Variants in PARD3B observed in about 807,000 individuals in gnomAD.
PARD3B encodes the protein par-3 family cell polarity regulator beta, also known as partitioning defective 3 homolog B.
Under a neutral mutation model 130.2 loss-of-function variants are expected in PARD3B, and 103 were observed. The ratio of observed to expected loss-of-function variants is 0.79; its 90% CI spans 0.67 to 0.93. The LOEUF (loss-of-function observed/expected upper bound fraction) is 0.93, where lower values mean the gene tolerates loss of function less well. Ranked by LOEUF, PARD3B falls within the 40% of genes least tolerant of loss-of-function variation. The pLI is 0.00. For missense variants in PARD3B, 1,609 were observed against 1,499.2 expected (o/e 1.07, Z -1.21); for synonymous variants, 583 against 553.2 (o/e 1.05, Z -0.76).
At chr2:205,225,363 G>T (rs114511769) in intron 15 of PARD3B, among the ~76,000 whole-genome samples, 8,224 of 152,090 alleles carry the variant, frequency 0.054, 372 homozygotes, top group East Asian at 0.23. Context: ...GATCAATGAT[G>T]TTGAGCACCT....
At chr2:204,681,590 G>T (rs962263303) in intron 1 of PARD3B, among the ~76,000 whole-genome samples, 1 of 152,168 alleles carries the variant, frequency 6.6e-6, no homozygotes, top group Non-Finnish European at 1.5e-5. Context: ...TTTCTGGCTT[G>T]ATTCTTTCCT....
chr2:205,520,921 TATC>T (rs2051019116), intron 21 of PARD3B, among the ~76,000 whole-genome samples: 1 of 151,896 alleles, frequency 6.6e-6, no homozygotes, highest in Non-Finnish European at 1.5e-5. Flanking sequence ...CATTGTTTCT[TATC>T]ATAAGTAATG....
In PARD3B at chr2:205,547,480, T is replaced by TAAAG. The variant is rs2052428190; in HGVS notation, c.3181-5840_3181-5837dup. 5.9e-5 allele frequency among the ~76,000 whole-genome samples: 9 copies of TAAAG among 152,160 alleles called. No homozygotes were observed. The South Asian group carries it at 1.9e-3, about 32-fold the overall frequency. ...GAGCTTATAGAACCATAAGGGATGT[T>TAAAG]AAAGAAAAAACTTCTTGGATAAGCT... On this transcript the variant is annotated intron_variant, in intron 21 of 22. Coordinates refer to ENST00000406610, the MANE Select transcript of PARD3B (RefSeq NM_001302769.2).
In PARD3B at chr2:204,611,192, G is replaced by T. The variant is rs567736350; in HGVS notation, c.120+65073G>T. ...AATGTATCAGAGATGAAGGGAAATT[G>T]GTTGGGAGACTACTCCTGGGACCAG... On this transcript the variant is annotated intron_variant, in intron 1 of 22. Transcript: ENST00000406610. 8.5e-5 allele frequency among the ~76,000 whole-genome samples: 13 copies of T among 152,298 alleles called. No homozygotes were observed. The South Asian group carries it at 2.7e-3, about 32-fold the overall frequency.
intron 10 of PARD3B, among the ~76,000 whole-genome samples, chr2:205,127,022 A>G (rs1424273255): frequency 1.3e-5 from 2 of 151,698 alleles, no homozygotes; most frequent in East Asian, 2.0e-4. Flanking sequence ...AAAGGAGGAC[A>G]GGTGCAGTGG....
intron 22 of PARD3B, among the ~76,000 whole-genome samples, chr2:205,570,725 G>T (rs927249441): frequency 6.6e-6 from 1 of 152,138 alleles, no homozygotes; most frequent in African/African-American, 2.4e-5. Flanking sequence ...AAGCTTTAGA[G>T]ACCAGACGTA....
Position 205,128,839 on chromosome 2 carries a change from G to T in PARD3B, c.1434+3102G>T, listed in dbSNP as rs923041960. ...TTTATTATTTTATAATGTATTCTGG[G>T]ATCCAAAATACTGAGTTAAAAACAA... On this transcript the variant is annotated intron_variant, in intron 10 of 22. Transcript: ENST00000406610. This position sits in a 1 kb window ranked among gnomAD's most constrained non-coding sequence, Gnocchi z 4.5. Among the ~76,000 whole-genome samples, 4 of 151,962 alleles carry T rather than the reference G, an allele frequency of 2.6e-5. No homozygotes were observed. Among genetic ancestry groups the T allele is most frequent in the African/African-American group, 9.7e-5 (4 of 41,354 alleles).
At position 205,573,410 on chromosome 2, in the gene PARD3B, G is replaced by T. The variant is rs1050236350; in HGVS notation, c.3260+20007G>T. ...ATAGATGAGGAAGGATGGGTGTAAG[G>T]CTGGGTGGAAAGGCAGAGTGGTGAC... On this transcript the variant is annotated intron_variant, in intron 22 of 22. Transcript: ENST00000406610. Among the ~76,000 whole-genome samples the T allele has an allele frequency of 2.0e-5, 3 of 152,128 alleles. No homozygotes were observed. The East Asian group carries it at 5.8e-4, about 29-fold the overall frequency.
In PARD3B at chr2:205,146,339, C is replaced by T. The variant is rs1015346234; in HGVS notation, c.1435-12383C>T. On this transcript the variant is annotated intron_variant, in intron 10 of 22. Coordinates refer to ENST00000406610, the MANE Select transcript of PARD3B (RefSeq NM_001302769.2). The surrounding 1 kb of genome is among the most constrained non-coding windows in gnomAD (Gnocchi z 4.3). Reference sequence around the variant, plus strand: ...TCTCAGGATCAGGCCCATTATGCTCCCTTTTAAGGTTATTAAATTGTTACA... The same window carrying T: ...TCTCAGGATCAGGCCCATTATGCTCTCTTTTAAGGTTATTAAATTGTTACA... Among the ~76,000 whole-genome samples, 2 of 152,100 alleles carry T rather than the reference C, an allele frequency of 1.3e-5. No homozygotes were observed. Among genetic ancestry groups the T allele is most frequent in the Non-Finnish European group, 2.9e-5 (2 of 68,026 alleles).
Position 204,782,032 on chromosome 2 carries a change from G to A in PARD3B, c.222+95750G>A, listed in dbSNP as rs536127163. On this transcript the variant is annotated intron_variant, in intron 2 of 22. Coordinates refer to ENST00000406610, the MANE Select transcript of PARD3B (RefSeq NM_001302769.2). ...ATGATGTTAGAAGTTTACTTGATGA[G>A]AAACAATGAAAATTAAATCTCTTAT... Among the ~76,000 whole-genome samples, 12 of 152,098 alleles carry A rather than the reference G, an allele frequency of 7.9e-5. No homozygotes were observed. In the South Asian group the frequency reaches 2.5e-3, roughly 32 times the overall value.
intron 2 of PARD3B, among the ~76,000 whole-genome samples, chr2:204,874,106 G>T (rs758017520): frequency 6.6e-6 from 1 of 152,120 alleles, no homozygotes; most frequent in Non-Finnish European, 1.5e-5. Context: ...TTGCACCATC[G>T]TACTCCCGCC....
chr2:205,163,542 A>C (rs2034630548), intron 11 of PARD3B, among the ~76,000 whole-genome samples: 1 of 152,358 alleles, frequency 6.6e-6, no homozygotes, highest in Middle Eastern at 3.4e-3. Flanking sequence ...AGTAATGGGC[A>C]AAAGAAAGAA....
At chr2:205,330,014 TAAATAAATAAATAAATAAATAAAATA>T (rs2043062320) in intron 18 of PARD3B, among the ~76,000 whole-genome samples, 2 of 2,594 alleles carry the variant, frequency 7.7e-4, no homozygotes, top group Non-Finnish European at 2.2e-3. Context: ...AATAAATAAA[TAAATAAATAAATAAATAAATAAAATA>T]AAATAAATCA....
chr2:205,193,419 G>C (rs2036501791), intron 15 of PARD3B, 99 bp downstream of exon 15: 2 of 882,308 alleles, frequency 2.3e-6, no homozygotes, highest in Non-Finnish European at 3.7e-6. Context: ...AAACCTCAGG[G>C]AACAAGGTCT....
chr2:205,118,877 T>A, intron 6 of PARD3B, 44 bp from the exon 7 acceptor site: 1 of 1,283,568 alleles, frequency 7.8e-7, no homozygotes, highest in Non-Finnish European at 1.1e-6. Flanking sequence ...ATAATTAGCA[T>A]TTATTATTCA....
chr2:205,487,398 T>C (rs766946515), intron 20 of PARD3B, among the ~76,000 whole-genome samples: 2 of 152,210 alleles, frequency 1.3e-5, no homozygotes, highest in Non-Finnish European at 2.9e-5. Flanking sequence ...CGTTTTGTTA[T>C]ATTTTTCACT....
chr2:204,586,774 C>A (rs1180171751), intron 1 of PARD3B, among the ~76,000 whole-genome samples: 2 of 152,042 alleles, frequency 1.3e-5, no homozygotes, highest in Non-Finnish European at 2.9e-5. Flanking sequence ...TTTGGGAGAT[C>A]CTATATTTTA....
At chr2:204,789,329 G>T (rs1190678821) in intron 2 of PARD3B, among the ~76,000 whole-genome samples, 1 of 152,188 alleles carries the variant, frequency 6.6e-6, no homozygotes, top group African/African-American at 2.4e-5. Context: ...GGGTTAACAG[G>T]CATGAGCCAC....
chr2:204,910,670 C>T (rs527686363), intron 2 of PARD3B, among the ~76,000 whole-genome samples: 2 of 152,260 alleles, frequency 1.3e-5, no homozygotes, highest in South Asian at 4.1e-4. Flanking sequence ...GATGGAGTCT[C>T]CCTCTGTAGC....
Sources: gnomAD v4.1 joint callset for allele counts (sites outside exome capture counted in the v4.1 genomes callset) on GRCh38, gnomAD v4.1.1 for gene constraint, Gnocchi (gnomAD v3.1) non-coding constraint, MANE v1.5 for transcripts, NCBI Gene and HGNC (gene_info 2026-07-23, HGNC 2026-07-21) for gene names.